Variants in IDO2 observed in about 807,000 individuals in gnomAD.
IDO2 encodes indoleamine 2,3-dioxygenase-like 1 protein.
IDO2 carries 46 observed loss-of-function variants against 45.1 expected under a neutral mutation model. The ratio of observed to expected loss-of-function variants is 1.02; its 90% CI spans 0.80 to 1.30. The LOEUF (loss-of-function observed/expected upper bound fraction) is 1.30. Among genes scored for constraint, IDO2 ranks in the 50% most tolerant of loss-of-function variants. The probability of loss-of-function intolerance (pLI) is 0.00; values close to 1 mark genes in which losing one functional copy is unlikely to be tolerated. For synonymous variants in IDO2, 218 were observed against 184.9 expected (o/e 1.18, Z -1.45); for missense variants, 544 against 491.8 (o/e 1.11, Z -1.00).
intron 2 of IDO2, among the ~76,000 whole-genome samples, chr8:39,963,380 G>C (rs1808028420): frequency 6.6e-6 from 1 of 152,142 alleles, no homozygotes; most frequent in Admixed American, 6.6e-5. Context: ...TACTGCATTG[G>C]CATATATCTG....
intron 8 of IDO2, among the ~76,000 whole-genome samples, chr8:40,002,397 C>G (rs939036135): frequency 7.9e-5 from 12 of 152,172 alleles, no homozygotes; most frequent in African/African-American, 2.9e-4. Context: ...TCAAGCAGAG[C>G]AAACCCCGTC....
Position 39,935,289 on chromosome 8 carries a change from CT to C in IDO2, c.-18+72del, listed in dbSNP as rs540041854. ...AAACATCAAGACTGACAATTTGGGG[CT>C]AGCAACTCAATTGGAAAATCACTGT... On this transcript the variant is annotated intron_variant, in intron 1 of 10. Coordinates refer to ENST00000502986, the Ensembl canonical transcript of IDO2. The C allele has an allele frequency of 4.2e-5, 52 of 1,250,914 alleles. No homozygotes were observed. In the African/African-American group the frequency reaches 6.7e-4, roughly 16 times the overall value. The allele number at this position is 1,250,914 out of a possible 1,614,324, so 77.5% of individuals were successfully genotyped here. A position where few individuals can be genotyped will look rare whatever the true frequency, so the allele number is the denominator to read the frequency against.
At chr8:39,982,865 C>G (rs1245457673) in intron 5 of IDO2, 95 bp downstream of exon 5, 11 of 805,330 alleles carry the variant, frequency 1.4e-5, no homozygotes, top group Non-Finnish European at 2.1e-5. Context: ...TATTTATGGT[C>G]TGCCGTATGG....
intron 8 of IDO2, among the ~76,000 whole-genome samples, chr8:39,996,992 A>G (rs1802055251): frequency 7.8e-6 from 1 of 127,498 alleles, no homozygotes; most frequent in African/African-American, 2.7e-5. Flanking sequence ...ATTCACACTT[A>G]CTCAGTTACA....
At position 40,009,293 on chromosome 8, in the gene IDO2, G is replaced by C. The variant is rs1802275847; in HGVS notation, c.719+3915G>C. On this transcript the variant is annotated intron_variant, in intron 9 of 10. Transcript: ENST00000502986. ...GTCCCCCAAAGTGCTGGGATTACAG[G>C]CATGAGCCACCACACCTGGCCTTTT... 2.6e-5 allele frequency among the ~76,000 whole-genome samples: 4 copies of C among 152,184 alleles called. No individual in the cohort carries two copies. In the South Asian group the frequency reaches 8.3e-4, roughly 31 times the overall value.
At chr8:39,959,933 C>T (rs553979743) in intron 2 of IDO2, among the ~76,000 whole-genome samples, 5 of 151,766 alleles carry the variant, frequency 3.3e-5, no homozygotes, top group African/African-American at 4.8e-5. Context: ...GAGCTGAGAT[C>T]GCACCACTGC....
At chr8:40,006,665 T>TATTTTA (rs1490883806) in intron 9 of IDO2, among the ~76,000 whole-genome samples, 1 of 151,900 alleles carries the variant, frequency 6.6e-6, no homozygotes, top group Non-Finnish European at 1.5e-5. Context: ...TATTTTATTT[T>TATTTTA]ATTTTATTTT....
chr8:39,939,671 T>C (rs1184237235), intron 1 of IDO2, among the ~76,000 whole-genome samples: 1 of 143,760 alleles, frequency 7.0e-6, no homozygotes, highest in Admixed American at 7.1e-5. Flanking sequence ...ATAGATGTCA[T>C]GGAAAATGTC....
chr8:39,970,871 T>A (rs1250169692), intron 3 of IDO2, among the ~76,000 whole-genome samples: 1 of 149,692 alleles, frequency 6.7e-6, no homozygotes, highest in Middle Eastern at 3.3e-3. Flanking sequence ...GGTTCAAGTG[T>A]TTCCCCTGCC....
intron 7 of IDO2, among the ~76,000 whole-genome samples, chr8:39,989,428 G>A (rs894866617): frequency 7.2e-5 from 11 of 152,100 alleles, no homozygotes; most frequent in South Asian, 2.1e-4. Context: ...TGATCATAAC[G>A]TGACAAATCC....
Position 39,987,448 on chromosome 8 carries a change from C to G in IDO2, c.450-423C>G. 2 of 159,520 alleles carry G rather than the reference C, an allele frequency of 1.3e-5. 1 individual carries two copies. Among genetic ancestry groups the G allele is most frequent in the South Asian group, 3.9e-4 (2 of 5,186 alleles). 9.9% of individuals were successfully genotyped at this position (159,520 alleles called of 1,614,324 possible). On this transcript the variant is annotated intron_variant, in intron 6 of 10. Coordinates refer to ENST00000502986, the Ensembl canonical transcript of IDO2. ...CCAGCCTGGTCCTGCGATTAGCTGG[C>G]TATATGACCTTGGACAAGCTGCTTT...
intron 3 of IDO2, among the ~76,000 whole-genome samples, chr8:39,974,743 A>C (rs537889281): frequency 2.0e-5 from 3 of 152,350 alleles, no homozygotes; most frequent in African/African-American, 7.2e-5. Flanking sequence ...CAATATGGTG[A>C]AAACTCATCT....
At chr8:40,013,265 G>C (rs921487011) in intron 9 of IDO2, among the ~76,000 whole-genome samples, 1 of 152,160 alleles carries the variant, frequency 6.6e-6, no homozygotes, top group South Asian at 2.1e-4. Context: ...CTTTATAACT[G>C]AGTATGTGCA....
chr8:40,012,700 T>C (rs1290658331), intron 9 of IDO2, among the ~76,000 whole-genome samples: 1 of 149,548 alleles, frequency 6.7e-6, no homozygotes, highest in Non-Finnish European at 1.5e-5. Flanking sequence ...GAGAAAACAG[T>C]GAAGAACAGG....
At chr8:40,008,259 T>C (rs899546923) in intron 9 of IDO2, among the ~76,000 whole-genome samples, 3 of 152,134 alleles carry the variant, frequency 2.0e-5, no homozygotes, top group African/African-American at 7.2e-5. Context: ...TTGGCCAGGC[T>C]GGTCTTGAAC....
chr8:40,008,948 G>C (rs1563442701), intron 9 of IDO2, among the ~76,000 whole-genome samples: 1 of 152,070 alleles, frequency 6.6e-6, no homozygotes, highest in African/African-American at 2.4e-5. Flanking sequence ...GCATTGTCTA[G>C]AAAAATGTAA....
At position 39,985,502 on chromosome 8, in the gene IDO2, G is replaced by T. The variant is rs753499205; in HGVS notation, c.435-6G>T. 1 of 1,562,660 alleles carries T rather than the reference G, an allele frequency of 6.4e-7. No individual in the cohort carries two copies. Among genetic ancestry groups the T allele is most frequent in the South Asian group, 1.2e-5 (1 of 84,548 alleles). On this transcript the variant is annotated splice_region_variant and splice_polypyrimidine_tract_variant and intron_variant, in intron 5 of 10. Coordinates refer to ENST00000502986, the Ensembl canonical transcript of IDO2. Reference sequence around the variant, plus strand: ...TGGTGGTCATCAATAACTGAAATTGGGCTAGATTCCTGGAAATTGGGTAAG... The same window carrying T: ...TGGTGGTCATCAATAACTGAAATTGTGCTAGATTCCTGGAAATTGGGTAAG...
chr8:39,940,929 G>GAAAAA (rs35440780), intron 1 of IDO2, among the ~76,000 whole-genome samples: 59 of 138,548 alleles, frequency 4.3e-4, no homozygotes, highest in South Asian at 9.0e-4. Flanking sequence ...AAATAAAATT[G>GAAAAA]AAAAAAAAAA....
intron 9 of IDO2, among the ~76,000 whole-genome samples, chr8:40,006,478 C>T (rs1802223392): frequency 1.3e-5 from 2 of 152,088 alleles, no homozygotes; most frequent in Non-Finnish European, 2.9e-5. Context: ...ATGTAACCCA[C>T]TGTGAATTAA....
Sources: gnomAD v4.1 joint callset for allele counts (sites outside exome capture counted in the v4.1 genomes callset) on GRCh38, gnomAD v4.1.1 for gene constraint, MANE v1.5 for transcripts, NCBI Gene and HGNC (gene_info 2026-07-23, HGNC 2026-07-21) for gene names.